The following PLEKHA1 variants were observed in gnomAD, a reference collection of about 807,000 sequenced individuals.
PLEKHA1 encodes the protein pleckstrin homology domain-containing family A member 1.
In PLEKHA1, 34 loss-of-function variants were observed where a neutral mutation model predicts 52.0. The observed-to-expected ratio is 0.65, with a 90% CI of 0.50 to 0.87. The LOEUF is 0.87. PLEKHA1 is among the 40% of genes least tolerant of loss of function. The pLI is 0.00. For missense variants in PLEKHA1, 497 were observed against 504.2 expected (o/e 0.99, Z 0.14); for synonymous variants, 163 against 170.7 (o/e 0.95, Z 0.35).
chr10:122,388,606 A>G (rs1000177195), intron 1 of PLEKHA1, among the ~76,000 whole-genome samples: 2 of 152,258 alleles, frequency 1.3e-5, no homozygotes, highest in Admixed American at 6.5e-5. Flanking sequence ...TATAAAAACT[A>G]TGTTTACACT....
the PLEKHA1 span, chr10:122,441,663 A>G: frequency 6.6e-6 from 1 of 152,240 alleles, no homozygotes; most frequent in African/African-American, 2.4e-5. Context: ...GGCTGCGTGC[A>G]TGAACCGGCT....
At chr10:122,403,740 G>A (rs573126760) in intron 4 of PLEKHA1, among the ~76,000 whole-genome samples, 7 of 151,870 alleles carry the variant, frequency 4.6e-5, no homozygotes, top group Admixed American at 3.3e-4. Flanking sequence ...CCCCCAGGCC[G>A]GAATGCAATG....
intron 1 of PLEKHA1, chr10:122,387,930 T>C (rs1294280248): frequency 6.6e-6 from 1 of 152,224 alleles, no homozygotes; most frequent in African/African-American, 2.4e-5. Context: ...CTCTACTCTT[T>C]CAAACTAAGA....
intron 8 of PLEKHA1, chr10:122,423,425 CAA>C (rs201686891): frequency 3.1e-5 from 4 of 127,886 alleles, no homozygotes; most frequent in Admixed American, 7.8e-5. Flanking sequence ...AACTCCATCT[CAA>C]AAAAAAAAAA....
At chr10:122,403,153 A>G (rs2096955125) in intron 4 of PLEKHA1, among the ~76,000 whole-genome samples, 2 of 152,232 alleles carry the variant, frequency 1.3e-5, no homozygotes, top group South Asian at 2.1e-4. Flanking sequence ...ACATGAGACA[A>G]TGCAAAACTC....
chr10:122,394,633 A>G (rs56357575), intron 2 of PLEKHA1, among the ~76,000 whole-genome samples: 1 of 152,092 alleles, frequency 6.6e-6, no homozygotes, highest in Admixed American at 6.5e-5. Flanking sequence ...CTATATACTG[A>G]TTTTAGATTA....
rs546853771 is a variant in PLEKHA1 at position 122,399,071 on chromosome 10, A to C, written c.198+1097A>C. Among the ~76,000 whole-genome samples, 4 of 152,212 alleles carry C rather than the reference A, an allele frequency of 2.6e-5. No homozygotes were observed. The South Asian group carries it at 8.3e-4, about 32-fold the overall frequency. On this transcript the variant is annotated intron_variant, in intron 3 of 11. Transcript: ENST00000368990. ...TTAAAATAGAACCTTTTTTCTGTGCAGTTCTGTAACTTTCATCTTGTCCTC... is the reference window on the plus strand; with the variant it reads ...TTAAAATAGAACCTTTTTTCTGTGCCGTTCTGTAACTTTCATCTTGTCCTC...
intron 4 of PLEKHA1, among the ~76,000 whole-genome samples, chr10:122,405,853 G>A (rs2097004826): frequency 6.6e-6 from 1 of 152,096 alleles, no homozygotes; most frequent in South Asian, 2.1e-4. Flanking sequence ...CCTAACAGTA[G>A]CTAGTTGTGT....
Position 122,429,669 on chromosome 10 carries a change from AC to A in PLEKHA1, c.948del (p.Asn317ThrfsTer54), listed in dbSNP as rs1430235063. ...AGAATCCAAACACGCTTTCCGTCCT[AC>A]CAACGCAGCCACCGCCACCTCACAT... ...PSESKHAFRP[T>X]NAATATSHST... is the part of the protein sequence containing the mutation. On this transcript the variant is annotated frameshift_variant, in exon 12 of 12. Transcript: ENST00000368990. LOFTEE classifies it high-confidence loss of function. The A allele has an allele frequency of 3.1e-6, 5 of 1,614,008 alleles. No individual in the cohort carries two copies. The East Asian group carries it at 1.1e-4, about 36-fold the overall frequency.
At chr10:122,437,727 ATGAAG>A in the PLEKHA1 span, 1 of 152,182 alleles carries the variant, frequency 6.6e-6, no homozygotes, top group Admixed American at 6.6e-5. Flanking sequence ...AGTGAAGAAA[ATGAAG>A]TGAGGAGGAG....
intron 8 of PLEKHA1, chr10:122,418,669 G>A (rs1239856259): frequency 6.6e-6 from 1 of 152,104 alleles, no homozygotes; most frequent in East Asian, 1.9e-4. Context: ...CTTCCCTGAA[G>A]GTAGAATCAG....
In PLEKHA1 at chr10:122,429,879, G is replaced by T. The variant is rs1397561991; in HGVS notation, c.1156G>T (p.Glu386Ter). 4.3e-6 allele frequency: 7 copies of T among 1,613,992 alleles called. No homozygotes were observed. The highest frequency in any genetic ancestry group is 5.9e-6 in the Non-Finnish European group (7 of 1,180,038). ...ACCTCAAAGTAAAAATGGCCCTCAGGAAAAAGATTGTGACCTAGTAGACTT... is the reference window on the plus strand; with the variant it reads ...ACCTCAAAGTAAAAATGGCCCTCAGTAAAAAGATTGTGACCTAGTAGACTT... ...LRPQSKNGPQ[E>*]KDCDLVDLDD... Residue 386 changes from glutamate to a stop codon, truncating the protein, a stop_gained, in exon 12 of 12, where the codon GAA (glutamate) becomes TAA (stop). Transcript: ENST00000368990. LOFTEE classifies it high-confidence loss of function.
rs754392607 is a variant in PLEKHA1 at position 122,429,952 on chromosome 10, G to A, written c.*14G>A. ...AGTGACGTGTGAGGCAGAAGCGCAC[G>A]GAGCCTGCCTGCCTCTGCCGTCCTC... On this transcript the variant is annotated 3_prime_UTR_variant, in exon 12 of 12. Coordinates refer to ENST00000368990, the MANE Select transcript of PLEKHA1 (RefSeq NM_001001974.4). 1.3e-5 allele frequency: 21 copies of A among 1,594,434 alleles called. No homozygotes were observed. The highest frequency in any genetic ancestry group is 8.7e-5 in the Admixed American group (5 of 57,694).
intron 8 of PLEKHA1, chr10:122,419,586 C>G (rs1398448123): frequency 1.3e-5 from 2 of 152,082 alleles, no homozygotes; most frequent in Non-Finnish European, 2.9e-5. Flanking sequence ...GTTCTGGGAA[C>G]TGAAAATAAA....
chr10:122,374,915 C>G (rs1413884158), intron 1 of PLEKHA1, 109 bp downstream of exon 1: 2 of 153,822 alleles, frequency 1.3e-5, no homozygotes, highest in Non-Finnish European at 2.9e-5. Context: ...AGCGCGGTTC[C>G]CGCTGTGGCG....
downstream of PLEKHA1, chr10:122,434,481 T>A (rs1456210290): frequency 6.6e-6 from 1 of 152,218 alleles, no homozygotes; most frequent in African/African-American, 2.4e-5. Context: ...GGAACTTCAT[T>A]TTCTACATTA....
intron 4 of PLEKHA1, among the ~76,000 whole-genome samples, chr10:122,402,337 G>C (rs565629079): frequency 1.8e-3 from 275 of 152,300 alleles, no homozygotes; most frequent in African/African-American, 6.3e-3. Flanking sequence ...CCTTCAGAGA[G>C]AGAAGCACTG....
At chr10:122,441,275 G>A in the PLEKHA1 span, 1 of 152,124 alleles carries the variant, frequency 6.6e-6, no homozygotes, top group Non-Finnish European at 1.5e-5. Context: ...TTCGAGATGA[G>A]CCTAGGTAAC....
intron 4 of PLEKHA1, among the ~76,000 whole-genome samples, chr10:122,403,089 C>T (rs2096954189): frequency 6.6e-6 from 1 of 152,158 alleles, no homozygotes; most frequent in Admixed American, 6.5e-5. Context: ...TATGAATAGA[C>T]AGCCCAGGAT....
Sources: allele counts gnomAD v4.1 joint callset (sites outside exome capture counted in the v4.1 genomes callset), GRCh38; gene constraint gnomAD v4.1.1; transcripts MANE v1.5; gene names NCBI Gene and HGNC (gene_info 2026-07-23, HGNC 2026-07-21).